The following TAS1R1 variants were observed in gnomAD, a reference collection of about 807,000 sequenced individuals.
TAS1R1 encodes taste receptor type 1 member 1.
A neutral mutation model predicts 45.8 loss-of-function variants in TAS1R1; 31 were observed. The observed-to-expected ratio is 0.68, with a 90% CI of 0.51 to 0.91. The LOEUF (loss-of-function observed/expected upper bound fraction) is 0.91. Among genes scored for constraint, TAS1R1 ranks in the 40% least tolerant of loss-of-function variants. TAS1R1 has a pLI of 0.00. For missense variants in TAS1R1, 1,051 were observed against 1,063.9 expected (o/e 0.99, Z 0.17); for synonymous variants, 437 against 448.4 (o/e 0.97, Z 0.32).
At chr1:6,567,492 G>A (rs1036184052) in intron 1 of TAS1R1, among the ~76,000 whole-genome samples, 11 of 151,918 alleles carry the variant, frequency 7.2e-5, no homozygotes, top group South Asian at 2.1e-4. Context: ...CCCGGGAGGC[G>A]GAGCTTGCAG....
chr1:6,556,589 CAG>C (rs1175683063), intron 1 of TAS1R1, among the ~76,000 whole-genome samples: 7 of 151,564 alleles, frequency 4.6e-5, no homozygotes, highest in Non-Finnish European at 7.4e-5. Flanking sequence ...TTCGTAGAGA[CAG>C]GGGTTTCACC....
chr1:6,557,204 C>G (rs1184442259), intron 1 of TAS1R1, among the ~76,000 whole-genome samples: 1 of 151,122 alleles, frequency 6.6e-6, no homozygotes, highest in Non-Finnish European at 1.5e-5. Flanking sequence ...AGCTAGAAAC[C>G]TGGATAAAGA....
At chr1:6,570,224 T>C (rs957979305) in intron 1 of TAS1R1, among the ~76,000 whole-genome samples, 1 of 151,846 alleles carries the variant, frequency 6.6e-6, no homozygotes, top group Non-Finnish European at 1.5e-5. Context: ...GCTTACAGAC[T>C]AGGGGGTGTA....
Position 6,575,251 on chromosome 1 carries a change from C to T in TAS1R1, c.1119C>T (p.His373=), listed in dbSNP as rs2148675374. 1 of 1,613,474 alleles carries T rather than the reference C, an allele frequency of 6.2e-7. No individual in the cohort carries two copies. The highest frequency in any genetic ancestry group is 8.5e-7 in the Non-Finnish European group (1 of 1,180,014). ...GAGAATGCCAAGCTTTCATGGCACA[C>T]ACGATGCCCAAGCTCAAAGCCTTCT... is the stretch of plus-strand genomic sequence containing the variant. ...LCRECQAFMA[H]TMPKLKAFSM... Residue 373 remains histidine, a synonymous_variant, in exon 3 of 6, where the codon CAC becomes CAT. Transcript: ENST00000333172.
rs142985009 is a variant in TAS1R1, at chr1:6,575,644, G to A, written c.1260+252G>A. On this transcript the variant is annotated intron_variant, in intron 3 of 5. Transcript: ENST00000333172. ...AGTGATTCTCTTGCCTCGGCCTCCT[G>A]AGTAGCTGGGATTACAGGCACCCAC... Among the ~76,000 whole-genome samples, 429 of 151,508 alleles carry A rather than the reference G, an allele frequency of 2.8e-3. 5 individuals carry two copies. Among genetic ancestry groups the A allele is most frequent in the African/African-American group, 1.0e-2 (412 of 41,294 alleles).
rs371364984 is a variant in TAS1R1 at position 6,576,924 on chromosome 1, C to A, written c.1474-26C>A. The A allele has an allele frequency of 7.4e-6, 12 of 1,614,082 alleles. No individual in the cohort carries two copies. The East Asian group carries it at 2.4e-4, about 33-fold the overall frequency. ...AGCTGTCCTTTGACTTGGGCCCCTA[C>A]GTGTGGCCCCTCTGGCTTCTTACAG... is the stretch of plus-strand genomic sequence containing the variant. On this transcript the variant is annotated intron_variant, in intron 4 of 5. Coordinates refer to ENST00000333172, the MANE Select transcript of TAS1R1 (RefSeq NM_138697.4).
intron 3 of TAS1R1, among the ~76,000 whole-genome samples, chr1:6,575,885 G>A (rs190581624): frequency 1.3e-5 from 2 of 151,898 alleles, no homozygotes; most frequent in Non-Finnish European, 2.9e-5. Context: ...GAGTAGAGAC[G>A]GGGTTTCACC....
chr1:6,576,744 C>T, intron 4 of TAS1R1, 117 bp downstream of exon 4: 1 of 1,381,306 alleles, frequency 7.2e-7, no homozygotes, highest in Non-Finnish European at 1.0e-6. Flanking sequence ...CCAGCTGCCA[C>T]CACTCTACCC....
Position 6,574,300 on chromosome 1 carries a change from C to T in TAS1R1, c.499-331C>T, listed in dbSNP as rs1261441142. On this transcript the variant is annotated intron_variant, in intron 2 of 5. Coordinates refer to ENST00000333172, the MANE Select transcript of TAS1R1 (RefSeq NM_138697.4). The surrounding 1 kb of genome is among the most constrained non-coding windows in gnomAD (Gnocchi z 4.3). ...TAACAGGCCACTGACCTAACTTCTG[C>T]CCTGACCTACACATGCTTCTCTTCT... 6.6e-6 allele frequency among the ~76,000 whole-genome samples: 1 copy of T among 152,178 alleles called. No homozygotes were observed. The highest frequency in any genetic ancestry group is 6.5e-5 in the Admixed American group (1 of 15,282).
At chr1:6,558,755 G>A (rs932815698) in intron 1 of TAS1R1, among the ~76,000 whole-genome samples, 3 of 151,400 alleles carry the variant, frequency 2.0e-5, no homozygotes, top group African/African-American at 7.3e-5. Flanking sequence ...GTCTCCCTCC[G>A]TCATCCAGCC....
intron 5 of TAS1R1, among the ~76,000 whole-genome samples, chr1:6,577,834 A>G (rs116054017): frequency 0.011 from 1,687 of 152,312 alleles, 11 homozygotes; most frequent in African/African-American, 0.025. Flanking sequence ...GTCTCAAAAA[A>G]AAAGAAAGAA....
chr1:6,565,695 C>T (rs1313076081), intron 1 of TAS1R1, among the ~76,000 whole-genome samples: 1 of 152,172 alleles, frequency 6.6e-6, no homozygotes, highest in African/African-American at 2.4e-5. Context: ...TCACTGCAAC[C>T]TCCGACTCCT....
chr1:6,567,280 G>T (rs1639889605), intron 1 of TAS1R1, among the ~76,000 whole-genome samples: 1 of 152,142 alleles, frequency 6.6e-6, no homozygotes, highest in Admixed American at 6.5e-5. Context: ...GAGATCGGCA[G>T]CTGGGCGCAG....
chr1:6,559,249 C>T (rs985869560), intron 1 of TAS1R1, among the ~76,000 whole-genome samples: 19 of 151,960 alleles, frequency 1.3e-4, no homozygotes, highest in East Asian at 2.0e-4. Context: ...AGGCTGCTCT[C>T]GAACTTCTGG....
Position 6,575,691 on chromosome 1 carries a change from C to CTTT in TAS1R1, c.1260+301_1260+303dup, listed in dbSNP as rs200684783. 6.0e-5 allele frequency among the ~76,000 whole-genome samples: 5 copies of CTTT among 83,896 alleles called. 1 individual carries two copies. The highest frequency in any genetic ancestry group is 8.2e-5 in the African/African-American group (2 of 24,412). 55.0% of individuals were successfully genotyped at this position (83,896 alleles called of 152,430 possible). ...CCACCACCATGCCTGGATAATTTTT[C>CTTT]TTTTCTTTTTTTTTTTTTTGAGATA... On this transcript the variant is annotated intron_variant, in intron 3 of 5. Coordinates refer to ENST00000333172, the MANE Select transcript of TAS1R1 (RefSeq NM_138697.4).
At chr1:6,558,294 G>A (rs1300322712) in intron 1 of TAS1R1, among the ~76,000 whole-genome samples, 1 of 152,088 alleles carries the variant, frequency 6.6e-6, no homozygotes, top group East Asian at 1.9e-4. Flanking sequence ...CACAGTGCTA[G>A]GCCTCCCAGA....
At chr1:6,570,801 G>T in intron 1 of TAS1R1, 108 bp from the exon 2 acceptor site, 1 of 999,996 alleles carries the variant, frequency 1.0e-6, no homozygotes, top group Non-Finnish European at 1.5e-6. Context: ...GGACTGGACC[G>T]ATGACCTCAA....
At chr1:6,570,041 G>C (rs996111272) in intron 1 of TAS1R1, among the ~76,000 whole-genome samples, 1 of 151,622 alleles carries the variant, frequency 6.6e-6, no homozygotes, top group South Asian at 2.1e-4. Context: ...GAGAGAGAGA[G>C]AGAGAGAGAG....
rs182003163 is a variant in TAS1R1 at position 6,556,014 on chromosome 1, G to C, written c.191+450G>C. On this transcript the variant is annotated intron_variant, in intron 1 of 5. Coordinates refer to ENST00000333172, the MANE Select transcript of TAS1R1 (RefSeq NM_138697.4). The stretch of plus-strand genomic sequence containing the variant: ...AGCCTCCCGAGTAGCTGGGACTACA[G>C]GCACCCGCCACTGCGCCCAGCTAAT... 7.3e-3 allele frequency among the ~76,000 whole-genome samples: 1,109 copies of C among 151,904 alleles called. 15 individuals carry two copies. Among genetic ancestry groups the C allele is most frequent in the African/African-American group, 0.024 (1,007 of 41,498 alleles).
Sources: gnomAD v4.1 joint callset for allele counts (sites outside exome capture counted in the v4.1 genomes callset) on GRCh38, gnomAD v4.1.1 for gene constraint, Gnocchi (gnomAD v3.1) non-coding constraint, MANE v1.5 for transcripts, NCBI Gene and HGNC (gene_info 2026-07-23, HGNC 2026-07-21) for gene names.